The following CNTNAP5 variants were observed in gnomAD, a reference collection of about 807,000 sequenced individuals.
CNTNAP5 encodes the protein contactin-associated protein-like 5.
CNTNAP5 carries 72 observed loss-of-function variants against 150.2 expected under a neutral mutation model. The observed-to-expected ratio is 0.48, with a 90% CI of 0.40 to 0.58. The LOEUF (loss-of-function observed/expected upper bound fraction) is 0.58. Ranked by LOEUF, CNTNAP5 falls within the 20% of genes least tolerant of loss-of-function variation. The pLI is 0.00. For synonymous variants in CNTNAP5, 672 were observed against 619.8 expected, an observed-to-expected ratio of 1.08 and a Z score of -1.25; for missense variants, 1,636 against 1,626.2, an observed-to-expected ratio of 1.01 and a Z score of -0.10.
chr2:124,834,547 T>A (rs1184341079), intron 19 of CNTNAP5, among the ~76,000 whole-genome samples: 1 of 152,124 alleles, frequency 6.6e-6, no homozygotes, highest in Non-Finnish European at 1.5e-5. Flanking sequence ...CTCTGCAAGC[T>A]GCCAGAACAC....
chr2:124,789,311 C>G (rs1239248354), intron 17 of CNTNAP5, among the ~76,000 whole-genome samples: 1 of 152,108 alleles, frequency 6.6e-6, no homozygotes, highest in Non-Finnish European at 1.5e-5. Flanking sequence ...TTGTAAAATA[C>G]AGGAACTACA....
chr2:124,166,342 C>T (rs992525798), intron 1 of CNTNAP5, among the ~76,000 whole-genome samples: 4 of 152,028 alleles, frequency 2.6e-5, no homozygotes, highest in Non-Finnish European at 2.9e-5. Flanking sequence ...CCCATTAGAG[C>T]CAGCAGGAAT....
chr2:124,322,207 T>G (rs541991546), intron 3 of CNTNAP5, among the ~76,000 whole-genome samples: 1 of 150,886 alleles, frequency 6.6e-6, no homozygotes, highest in African/African-American at 2.4e-5. Context: ...AATAAAATGC[T>G]TATATTGCTT....
At chr2:124,410,327 G>C (rs1250556938) in intron 3 of CNTNAP5, among the ~76,000 whole-genome samples, 6 of 151,480 alleles carry the variant, frequency 4.0e-5, no homozygotes, top group East Asian at 2.0e-4. Flanking sequence ...CAACGAGACA[G>C]AAAGTCAACA....
At chr2:124,175,760 C>T (rs1685050121) in intron 1 of CNTNAP5, among the ~76,000 whole-genome samples, 1 of 152,142 alleles carries the variant, frequency 6.6e-6, no homozygotes, top group African/African-American at 2.4e-5. Context: ...GAGGACATGG[C>T]TTTATTCATT....
At chr2:124,625,693 T>G (rs56779147) in intron 12 of CNTNAP5, among the ~76,000 whole-genome samples, 1,816 of 152,262 alleles carry the variant, frequency 0.012, 31 homozygotes, top group African/African-American at 0.041. Context: ...CTTTTCATCT[T>G]TTACTGCAGA....
intron 1 of CNTNAP5, among the ~76,000 whole-genome samples, chr2:124,129,700 A>G (rs1309674137): frequency 3.3e-5 from 5 of 152,178 alleles, no homozygotes; most frequent in Non-Finnish European, 1.5e-5. Context: ...AACACAAGGT[A>G]TTAGATTGAG....
At chr2:124,168,524 C>T (rs930272844) in intron 1 of CNTNAP5, among the ~76,000 whole-genome samples, 1 of 152,122 alleles carries the variant, frequency 6.6e-6, no homozygotes, top group African/African-American at 2.4e-5. Context: ...TTGGAGCAAA[C>T]CTGCTCCGAT....
intron 8 of CNTNAP5, among the ~76,000 whole-genome samples, chr2:124,520,763 T>G (rs544057667): frequency 6.6e-6 from 1 of 152,300 alleles, no homozygotes; most frequent in South Asian, 2.1e-4. Context: ...TAAAAGGTGT[T>G]GCTTTCCTGT....
At chr2:124,891,244 A>AT (rs776946382) in intron 21 of CNTNAP5, among the ~76,000 whole-genome samples, 1 of 151,904 alleles carries the variant, frequency 6.6e-6, no homozygotes, top group Non-Finnish European at 1.5e-5. Flanking sequence ...CTTGATGGGG[A>AT]TATCTGGGGG....
chr2:124,857,035 G>T (rs1281256666), intron 19 of CNTNAP5, among the ~76,000 whole-genome samples: 1 of 152,106 alleles, frequency 6.6e-6, no homozygotes, highest in Non-Finnish European at 1.5e-5. Context: ...CCAAATCCCA[G>T]TAGGCTGAGC....
At chr2:124,719,063 G>C (rs985820994) in intron 13 of CNTNAP5, among the ~76,000 whole-genome samples, 2 of 152,132 alleles carry the variant, frequency 1.3e-5, no homozygotes, top group African/African-American at 4.8e-5. Flanking sequence ...CTCTTCAATG[G>C]AAGAGGCAGT....
intron 13 of CNTNAP5, among the ~76,000 whole-genome samples, chr2:124,719,287 T>A (rs1680005673): frequency 6.6e-6 from 1 of 152,180 alleles, no homozygotes; most frequent in Non-Finnish European, 1.5e-5. Flanking sequence ...AAATAATTCA[T>A]GTTTAAGAAA....
intron 1 of CNTNAP5, among the ~76,000 whole-genome samples, chr2:124,034,301 G>A (rs1008980356): frequency 5.3e-5 from 8 of 152,282 alleles, no homozygotes; most frequent in African/African-American, 1.9e-4. Flanking sequence ...ATGAAACTCA[G>A]CATGGATTTT....
At position 124,290,886 on chromosome 2, in the gene CNTNAP5, A is replaced by G. The variant is rs887818508; in HGVS notation, c.381+48493A>G. Among the ~76,000 whole-genome samples the G allele has an allele frequency of 2.5e-4, 16 of 62,764 alleles. No individual in the cohort carries two copies. In the South Asian group the frequency reaches 3.4e-3, roughly 13 times the overall value. 41.2% of individuals were successfully genotyped at this position (62,764 alleles called of 152,430 possible). On this transcript the variant is annotated intron_variant, in intron 3 of 23. Transcript: ENST00000682447. ...CTCATCTTCCTTCCTTTATTTATTT[A>G]TTTATTTATTTATTTATTTATTTAT...
intron 1 of CNTNAP5, among the ~76,000 whole-genome samples, chr2:124,181,036 TTA>T (rs1685196070): frequency 1.3e-5 from 2 of 148,440 alleles, no homozygotes; most frequent in South Asian, 2.1e-4. Flanking sequence ...AAGCCAGAAT[TTA>T]AAAAAAAAAA....
intron 19 of CNTNAP5, among the ~76,000 whole-genome samples, chr2:124,844,718 T>G (rs1446227795): frequency 6.6e-6 from 1 of 151,606 alleles, no homozygotes; most frequent in Non-Finnish European, 1.5e-5. Context: ...TTTTTAAAAT[T>G]TTTTTTTCCA....
chr2:124,914,062 C>T, intron 23 of CNTNAP5, 30 bp from the exon 24 acceptor site: 1 of 1,553,520 alleles, frequency 6.4e-7, no homozygotes, highest in East Asian at 2.3e-5. Context: ...TGACGATTTC[C>T]TTCTCTCTTT....
chr2:124,108,931 A>G (rs574940731), intron 1 of CNTNAP5, among the ~76,000 whole-genome samples: 9 of 152,276 alleles, frequency 5.9e-5, no homozygotes, highest in Non-Finnish European at 1.2e-4. Flanking sequence ...ATATTCCCAC[A>G]ATTCTAGTAA....
Sources: gnomAD v4.1 joint callset for allele counts (sites outside exome capture counted in the v4.1 genomes callset) on GRCh38, gnomAD v4.1.1 for gene constraint, MANE v1.5 for transcripts, NCBI Gene and HGNC (gene_info 2026-07-23, HGNC 2026-07-21) for gene names.